The following FAM216A variants were observed in gnomAD, a reference collection of about 807,000 sequenced individuals.
FAM216A encodes family with sequence similarity 216 member A, also known as protein FAM216A.
FAM216A carries 26 observed loss-of-function variants against 37.6 expected under a neutral mutation model. The observed-to-expected ratio is 0.69, with a 90% CI of 0.51 to 0.96. The LOEUF is 0.96. FAM216A is among the 40% of genes least tolerant of loss of function. The pLI, the probability that FAM216A is intolerant of heterozygous loss-of-function variation, is 0.00. For synonymous variants in FAM216A, 110 were observed against 121.7 expected (o/e 0.90, Z 0.64); for missense variants, 326 against 339.3 (o/e 0.96, Z 0.31).
intron 2 of FAM216A, among the ~76,000 whole-genome samples, chr12:110,479,564 C>T (rs2062734306): frequency 6.7e-6 from 1 of 150,322 alleles, no homozygotes; most frequent in Admixed American, 6.6e-5. Flanking sequence ...GTAGGCTGGG[C>T]GCAGTGGCTC....
chr12:110,485,312 CAGTATAA>C, intron 3 of FAM216A, 113 bp downstream of exon 3: 1 of 848,234 alleles, frequency 1.2e-6, no homozygotes, highest in Non-Finnish European at 1.8e-6. Flanking sequence ...AAGGCATATG[CAGTATAA>C]TTGTCTAGGA....
At chr12:110,488,149 C>A (rs1171728649) in intron 6 of FAM216A, among the ~76,000 whole-genome samples, 1 of 152,130 alleles carries the variant, frequency 6.6e-6, no homozygotes, top group Non-Finnish European at 1.5e-5. Flanking sequence ...ACGGCTCACG[C>A]CTGTAATCCC....
At chr12:110,483,807 C>T (rs1039860642) in intron 2 of FAM216A, among the ~76,000 whole-genome samples, 5 of 151,772 alleles carry the variant, frequency 3.3e-5, no homozygotes, top group Admixed American at 1.3e-4. Flanking sequence ...TAGAGTGAGA[C>T]CCCATCTCAA....
Position 110,470,494 on chromosome 12 carries a change from T to C in FAM216A, c.143+1476T>C, listed in dbSNP as rs1225727379. ...ACGTGAATTTTTTTTTTTTTTTTTA[T>C]TGAGACAGAGTCTCCCTCTGTCACC... is the stretch of plus-strand genomic sequence containing the variant. On this transcript the variant is annotated intron_variant, in intron 1 of 6. Coordinates refer to ENST00000377673, the MANE Select transcript of FAM216A (RefSeq NM_013300.3). 2.7e-5 allele frequency among the ~76,000 whole-genome samples: 4 copies of C among 145,812 alleles called. No individual in the cohort carries two copies. In the East Asian group the frequency reaches 7.8e-4, roughly 29 times the overall value.
At chr12:110,475,540 CTT>C (rs2062710497) in intron 2 of FAM216A, among the ~76,000 whole-genome samples, 2 of 151,634 alleles carry the variant, frequency 1.3e-5, no homozygotes. Context: ...GCCTGGCCCT[CTT>C]TATTCTTAAA....
At chr12:110,473,903 C>G (rs1187629493) in intron 2 of FAM216A, among the ~76,000 whole-genome samples, 1 of 151,944 alleles carries the variant, frequency 6.6e-6, no homozygotes, top group Non-Finnish European at 1.5e-5. Flanking sequence ...GCTTTTTTTC[C>G]CTTGGGAGAG....
chr12:110,486,482 C>T (rs771573653), intron 4 of FAM216A, 28 bp downstream of exon 4: 5 of 1,607,204 alleles, frequency 3.1e-6, no homozygotes, highest in South Asian at 1.1e-5. Context: ...TGTCTTTTCA[C>T]TAGTTTTTAC....
At chr12:110,481,816 T>C (rs1340272478) in intron 2 of FAM216A, among the ~76,000 whole-genome samples, 1 of 152,144 alleles carries the variant, frequency 6.6e-6, no homozygotes, top group Non-Finnish European at 1.5e-5. Context: ...TGTTTACAAC[T>C]TGAAAAAGGA....
rs764074185 is a variant in FAM216A at position 110,486,368 on chromosome 12, T to C, written c.350T>C (p.Ile117Thr). The change falls in exon 4 of 7, where the codon ATT becomes ACT. Residue 117 changes from isoleucine to threonine, a missense_variant. Transcript: ENST00000377673. ...TTGQKRYLCS[I>T]AKIYNANYLK... ...GGCCAGAAGCGTTACCTGTGCAGCA[T>C]TGCTAAAATCTATAATGCAAACTAT... The C allele has an allele frequency of 1.9e-5, 31 of 1,613,886 alleles. No individual in the cohort carries two copies. Among genetic ancestry groups the C allele is most frequent in the Middle Eastern group, 1.6e-4 (1 of 6,084 alleles).
intron 2 of FAM216A, among the ~76,000 whole-genome samples, chr12:110,475,634 C>CA (rs955236675): frequency 1.9e-4 from 28 of 150,816 alleles, no homozygotes. Flanking sequence ...TGCAGTGGTG[C>CA]AATCTCAGCT....
intron 2 of FAM216A, among the ~76,000 whole-genome samples, chr12:110,482,652 G>A (rs563772372): frequency 1.7e-4 from 26 of 151,546 alleles, no homozygotes; most frequent in South Asian, 1.7e-3. Flanking sequence ...AAAATTAGCC[G>A]GGCGCAGTGG....
At position 110,469,892 on chromosome 12, in the gene FAM216A, G is replaced by T. The variant is rs545782434; in HGVS notation, c.143+874G>T. Among the ~76,000 whole-genome samples the T allele has an allele frequency of 2.0e-5, 3 of 152,182 alleles. No homozygotes were observed. The East Asian group carries it at 5.8e-4, about 29-fold the overall frequency. On this transcript the variant is annotated intron_variant, in intron 1 of 6. Transcript: ENST00000377673. ...ATCTTGACATTTTCTTCACACTGAA[G>T]TTCCTTTTTTCACAAATCTATTTCG...
chr12:110,477,850 G>T (rs1286645759), intron 2 of FAM216A, among the ~76,000 whole-genome samples: 2 of 151,994 alleles, frequency 1.3e-5, no homozygotes, highest in Non-Finnish European at 2.9e-5. Flanking sequence ...TGGGACCACA[G>T]GTGCCTGCCA....
intron 1 of FAM216A, 43 bp downstream of exon 1, chr12:110,469,061 C>A: frequency 7.2e-7 from 1 of 1,386,200 alleles, no homozygotes; most frequent in South Asian, 1.6e-5. Context: ...GCATGGGGCC[C>A]CCGGGTCGTG....
chr12:110,471,164 G>C (rs1419198929), intron 1 of FAM216A, among the ~76,000 whole-genome samples: 1 of 151,502 alleles, frequency 6.6e-6, no homozygotes, highest in Non-Finnish European at 1.5e-5. Context: ...GTGTGATCTT[G>C]GCTCACTGCA....
At chr12:110,483,037 A>G (rs990274201) in intron 2 of FAM216A, among the ~76,000 whole-genome samples, 1 of 151,348 alleles carries the variant, frequency 6.6e-6, no homozygotes, top group African/African-American at 2.4e-5. Flanking sequence ...AAAAAGAGAC[A>G]TTTCGGGGCC....
At chr12:110,479,811 C>G (rs1387288991) in intron 2 of FAM216A, among the ~76,000 whole-genome samples, 1 of 151,256 alleles carries the variant, frequency 6.6e-6, no homozygotes, top group Non-Finnish European at 1.5e-5. Context: ...GCACTCCAGC[C>G]TGGCGACAGA....
chr12:110,479,488 G>A (rs1214171468), intron 2 of FAM216A, among the ~76,000 whole-genome samples: 2 of 149,284 alleles, frequency 1.3e-5, no homozygotes, highest in African/African-American at 5.0e-5. Flanking sequence ...TTCGTCCTAA[G>A]ATGTATAAAA....
rs1007404462 is a variant in FAM216A, at chr12:110,480,868, GT to G, written c.185-4202del. On this transcript the variant is annotated intron_variant, in intron 2 of 6. Transcript: ENST00000377673. ...CCTGGGCAACATAAAATTAACTTTA[GT>G]TTTTTTTGTCTCTAAAAGAAAATTT... 4.0e-5 allele frequency among the ~76,000 whole-genome samples: 6 copies of G among 151,534 alleles called. No individual in the cohort carries two copies. In the East Asian group the frequency reaches 5.8e-4, roughly 15 times the overall value.
Sources: gnomAD v4.1 joint callset for allele counts (sites outside exome capture counted in the v4.1 genomes callset) on GRCh38, gnomAD v4.1.1 for gene constraint, MANE v1.5 for transcripts, NCBI Gene and HGNC (gene_info 2026-07-23, HGNC 2026-07-21) for gene names.